Variants in ELMO2 observed in about 807,000 individuals in gnomAD.
The protein encoded by ELMO2 is engulfment and cell motility 2, also known as engulfment and cell motility protein 2.
A neutral mutation model predicts 96.2 loss-of-function variants in ELMO2; 37 were observed. That is an observed-to-expected ratio of 0.38 (90% CI 0.30 to 0.51). ELMO2 has a LOEUF of 0.51. Among genes scored for constraint, ELMO2 ranks in the 20% least tolerant of loss-of-function variants. ELMO2 has a pLI of 0.88. For synonymous variants in ELMO2, 315 were observed against 329.4 expected, an observed-to-expected ratio of 0.96 and a Z score of 0.47; for missense variants, 561 against 912.6, an observed-to-expected ratio of 0.61 and a Z score of 4.96.
intron 8 of ELMO2, 36 bp from the exon 9 acceptor site, chr20:46,386,311 AG>A (rs2060043065): frequency 6.2e-7 from 1 of 1,607,772 alleles, no homozygotes; most frequent in South Asian, 1.1e-5. Flanking sequence ...TGAGAAGCTC[AG>A]GGCCCAAGAA....
At chr20:46,397,077 A>C (rs1434669808) in intron 2 of ELMO2, among the ~76,000 whole-genome samples, 1 of 152,128 alleles carries the variant, frequency 6.6e-6, no homozygotes, top group African/African-American at 2.4e-5. Flanking sequence ...TATAGCTATT[A>C]TTTTCTCTTG....
At chr20:46,376,280 T>C (rs901574911) in intron 11 of ELMO2, among the ~76,000 whole-genome samples, 1 of 152,138 alleles carries the variant, frequency 6.6e-6, no homozygotes, top group African/African-American at 2.4e-5. Context: ...GATACTGAGA[T>C]AGCAACACAA....
intron 4 of ELMO2, 117 bp from the exon 5 acceptor site, chr20:46,393,718 G>A (rs2060197363): frequency 8.8e-7 from 1 of 1,142,630 alleles, no homozygotes; most frequent in Non-Finnish European, 1.3e-6. Context: ...GAATACAGTG[G>A]AAACAAAGCT....
At chr20:46,394,575 C>A in intron 2 of ELMO2, 43 bp from the exon 3 acceptor site, 1 of 1,390,488 alleles carries the variant, frequency 7.2e-7, no homozygotes, top group Non-Finnish European at 1.0e-6. Context: ...AGTATTTCTT[C>A]ATTTTTCACT....
At chr20:46,400,321 T>A (rs1275829418) in intron 1 of ELMO2, among the ~76,000 whole-genome samples, 3 of 152,222 alleles carry the variant, frequency 2.0e-5, no homozygotes, top group Non-Finnish European at 4.4e-5. Context: ...AATTCTGTTC[T>A]CCAGATAATA....
intron 1 of ELMO2, among the ~76,000 whole-genome samples, chr20:46,403,225 G>A (rs1425984582): frequency 6.6e-6 from 1 of 152,212 alleles, no homozygotes; most frequent in Non-Finnish European, 1.5e-5. Context: ...AGGCAGTCCG[G>A]GAGGAAAGTC....
At chr20:46,396,223 C>T (rs923127078) in intron 2 of ELMO2, among the ~76,000 whole-genome samples, 3 of 152,212 alleles carry the variant, frequency 2.0e-5, no homozygotes, top group Admixed American at 1.3e-4. Flanking sequence ...GCTCCAGTTA[C>T]AGCAAGACAG....
Position 46,375,730 on chromosome 20 carries a change from G to C in ELMO2, c.868C>G (p.Gln290Glu). 6.2e-7 allele frequency: 1 copy of C among 1,614,220 alleles called. No individual in the cohort carries two copies. Residue 290 changes from glutamine (Q) to glutamate (E), a missense_variant, in exon 12 of 22, where the codon CAA becomes GAA. Transcript: ENST00000290246. This position sits in a 1 kb window ranked among gnomAD's most constrained non-coding sequence, Gnocchi z 4.6. The part of the protein sequence containing the change: ...TEMAHQLYVL[Q>E]VLTFNLLEER... ...TCCAGAAGGTTAAAGGTTAGGACTT[G>C]AAGGACATATAGCTGATGGGCCATC... is the stretch of plus-strand genomic sequence containing the variant.
At chr20:46,370,880 G>C (rs577755832) in intron 19 of ELMO2, among the ~76,000 whole-genome samples, 1 of 152,286 alleles carries the variant, frequency 6.6e-6, no homozygotes, top group South Asian at 2.1e-4. Flanking sequence ...AGTGGCAGCT[G>C]CTAACAGTTA....
chr20:46,389,231 A>T lies in ELMO2; in HGVS notation c.244-11T>A, dbSNP rs778523546. 1 of 1,612,422 alleles carries T rather than the reference A, an allele frequency of 6.2e-7. No individual in the cohort carries two copies. The highest frequency in any genetic ancestry group is 8.5e-7 in the Non-Finnish European group (1 of 1,179,070). On this transcript the variant is annotated splice_polypyrimidine_tract_variant and intron_variant, in intron 6 of 21. Coordinates refer to ENST00000290246, the MANE Select transcript of ELMO2 (RefSeq NM_133171.5). ...GCGTGCAGCCCGGGACTAGGAGGCC[A>T]GGGACAAGATATGTGCCATCTGCTC... is the stretch of plus-strand genomic sequence containing the variant.
chr20:46,387,345 A>C lies in ELMO2; in HGVS notation c.518T>G (p.Ile173Ser). The C allele has an allele frequency of 6.2e-7, 1 of 1,614,020 alleles. No individual in the cohort carries two copies. Reference sequence around the variant, plus strand: ...GAATGTTGGAGGCCTCACCTGCTTAATAAAGGTGATTGAAACCATGTCCCA... The same window carrying C: ...GAATGTTGGAGGCCTCACCTGCTTACTAAAGGTGATTGAAACCATGTCCCA... The part of the protein sequence containing the change: ...VSWDMVSITF[I>S]KQIAGYVSQP... The change falls in exon 8 of 22, where the codon ATT (isoleucine) becomes AGT (serine). Residue 173 changes from isoleucine to serine, a missense_variant. Physicochemically the swap from Ile to Ser is moderately radical, Grantham distance 142. Transcript: ENST00000290246.
At chr20:46,396,464 C>G (rs2060246301) in intron 2 of ELMO2, among the ~76,000 whole-genome samples, 1 of 152,096 alleles carries the variant, frequency 6.6e-6, no homozygotes, top group African/African-American at 2.4e-5. Flanking sequence ...TCCCTGTAAC[C>G]AGCACTCAAA....
chr20:46,396,433 A>G (rs1284199516), intron 2 of ELMO2, among the ~76,000 whole-genome samples: 1 of 152,234 alleles, frequency 6.6e-6, no homozygotes, highest in Non-Finnish European at 1.5e-5. Flanking sequence ...AATATACATC[A>G]TATAAATATA....
chr20:46,389,510 G>A (rs1253593860), intron 6 of ELMO2, among the ~76,000 whole-genome samples: 1 of 152,142 alleles, frequency 6.6e-6, no homozygotes, highest in Non-Finnish European at 1.5e-5. Flanking sequence ...ACTAACGATG[G>A]TAAGTCACAG....
intron 21 of ELMO2, 134 bp from the exon 22 acceptor site, chr20:46,367,694 T>C: frequency 1.9e-6 from 1 of 532,890 alleles, no homozygotes; most frequent in Non-Finnish European, 3.1e-6. Flanking sequence ...TGATTTGGAA[T>C]GATAGCAAAG....
At position 46,375,009 on chromosome 20, in the gene ELMO2, C is replaced by T. The variant is rs75545765; in HGVS notation, c.1065+227G>A. ...CCCCTCTCTACCCACTCTAGCTGAC[C>T]GCAACCCCCCTACAGATGGATTCGT... On this transcript the variant is annotated intron_variant, in intron 13 of 21. Transcript: ENST00000290246. This position sits in a 1 kb window ranked among gnomAD's most constrained non-coding sequence, Gnocchi z 4.6. 8.9e-4 allele frequency among the ~76,000 whole-genome samples: 136 copies of T among 152,256 alleles called. 2 individuals carry two copies. In the East Asian group the frequency reaches 0.018, roughly 21 times the overall value.
intron 8 of ELMO2, 50 bp from the exon 9 acceptor site, chr20:46,386,325 A>T (rs1454971745): frequency 6.2e-7 from 1 of 1,600,746 alleles, no homozygotes; most frequent in Admixed American, 1.7e-5. Flanking sequence ...CCCAAGAAAG[A>T]TAGAAGCTTA....
rs779460586 is a variant in ELMO2, at chr20:46,394,410, C to T, written c.73G>A (p.Asp25Asn). 6 of 1,613,974 alleles carry T rather than the reference C, an allele frequency of 3.7e-6. No individual in the cohort carries two copies. The highest frequency in any genetic ancestry group is 1.6e-4 in the Middle Eastern group (1 of 6,068). Reference sequence around the variant, plus strand: ...TTCTCACTTCAGGAGCATACCTGGTCGATTTCAAGGAGCTGGGCGTTAGCA... The same window carrying T: ...TTCTCACTTCAGGAGCATACCTGGTTGATTTCAAGGAGCTGGGCGTTAGCA... ...PGANAQLLEI[D>N]QKRPLASIIK... The change falls in exon 3 of 22, where the codon GAC becomes AAC. Residue 25 changes from aspartate to asparagine, a missense_variant. By Grantham distance (23) the Asp-to-Asn change is conservative. Transcript: ENST00000290246.
At chr20:46,380,389 T>C (rs745737914) in intron 10 of ELMO2, 86 bp from the exon 11 acceptor site, 11 of 1,182,476 alleles carry the variant, frequency 9.3e-6, no homozygotes, top group East Asian at 7.1e-5. Context: ...GTCAAAATTC[T>C]GGGCCTTTTT....
Sources: allele counts gnomAD v4.1 joint callset (sites outside exome capture counted in the v4.1 genomes callset), GRCh38; gene constraint gnomAD v4.1.1; non-coding constraint Gnocchi (gnomAD v3.1); transcripts MANE v1.5; gene names NCBI Gene and HGNC (gene_info 2026-07-23, HGNC 2026-07-21).